Variants in ARHGAP35 observed in about 807,000 individuals in gnomAD.
The protein encoded by ARHGAP35 is rho GTPase-activating protein 35.
In ARHGAP35, 15 loss-of-function variants were observed where a neutral mutation model predicts 111.1. The observed-to-expected ratio is 0.13, with a 90% CI of 0.09 to 0.21. The LOEUF is 0.21. Ranked by LOEUF, ARHGAP35 falls within the 10% of genes least tolerant of loss-of-function variation. The pLI, the probability that ARHGAP35 is intolerant of heterozygous loss-of-function variation, is 1.00. For synonymous variants in ARHGAP35, 643 were observed against 710.3 expected (o/e 0.91, Z 1.51); for missense variants, 1,262 against 1,873.0 (o/e 0.67, Z 6.02).
intron 3 of ARHGAP35, among the ~76,000 whole-genome samples, chr19:46,970,278 T>C (rs1185925348): frequency 6.6e-6 from 1 of 152,178 alleles, no homozygotes; most frequent in Non-Finnish European, 1.5e-5. Flanking sequence ...CTTAATGCTA[T>C]GGGATATTGC....
intron 3 of ARHGAP35, among the ~76,000 whole-genome samples, chr19:46,964,515 C>T (rs1293807451): frequency 6.6e-6 from 1 of 152,202 alleles, no homozygotes; most frequent in Non-Finnish European, 1.5e-5. Context: ...ACATCAGCCT[C>T]CTAAAGTGGT....
intron 1 of ARHGAP35, among the ~76,000 whole-genome samples, chr19:46,897,466 A>G (rs1208748215): frequency 6.8e-6 from 1 of 146,818 alleles, no homozygotes; most frequent in African/African-American, 2.5e-5. Context: ...TTTTTTTACG[A>G]CCTCCAACAC....
chr19:46,877,420 G>A (rs909754878), intron 1 of ARHGAP35, among the ~76,000 whole-genome samples: 9 of 151,296 alleles, frequency 5.9e-5, no homozygotes, highest in Non-Finnish European at 7.4e-5. Flanking sequence ...AAAACTAGCC[G>A]GGCGTGGTGG....
In ARHGAP35 at chr19:46,878,403, G is replaced by A. The variant is rs2311808; in HGVS notation, c.-189+17194G>A. On this transcript the variant is annotated intron_variant, in intron 1 of 6. Transcript: ENST00000672722. ...TGGTGCAGTCTCAGCTCACTGCAAC[G>A]TCTCTCGGGTTCAAGCAATTCTTGT... Among the ~76,000 whole-genome samples the A allele has an allele frequency of 8.7e-3, 1,322 of 151,974 alleles. 12 individuals are homozygous for A. Among genetic ancestry groups the A allele is most frequent in the Non-Finnish European group, 0.014 (932 of 67,946 alleles).
At chr19:46,862,651 C>G (rs1398406285) in intron 1 of ARHGAP35, among the ~76,000 whole-genome samples, 1 of 152,162 alleles carries the variant, frequency 6.6e-6, no homozygotes, top group East Asian at 1.9e-4. Flanking sequence ...TCCTTCGGAG[C>G]TGTCCACTTG....
chr19:46,915,392 C>T (rs1171689548), intron 1 of ARHGAP35, among the ~76,000 whole-genome samples: 2 of 152,142 alleles, frequency 1.3e-5, no homozygotes, highest in African/African-American at 4.8e-5. Context: ...TTTTTGCATA[C>T]TACGTCTAGT....
intron 2 of ARHGAP35, among the ~76,000 whole-genome samples, chr19:46,929,591 C>CTTTTTTTTTTT (rs55818906): frequency 1.1e-5 from 1 of 93,054 alleles, no homozygotes; most frequent in Non-Finnish European, 2.1e-5. Flanking sequence ...ACCTGTTACT[C>CTTTTTTTTTTT]TTTTTTTTTT....
chr19:46,977,379 T>A (rs548773398), intron 3 of ARHGAP35, among the ~76,000 whole-genome samples: 2 of 152,312 alleles, frequency 1.3e-5, no homozygotes, highest in East Asian at 1.9e-4. Flanking sequence ...AGTTGGATGC[T>A]CCAGCCGCTT....
In ARHGAP35 at chr19:46,926,983, T is replaced by C. The variant is rs1260796005; in HGVS notation, c.3681+4627T>C. Among the ~76,000 whole-genome samples, 4 of 152,236 alleles carry C rather than the reference T, an allele frequency of 2.6e-5. No individual in the cohort carries two copies. The highest frequency in any genetic ancestry group is 9.6e-5 in the African/African-American group (4 of 41,458). On this transcript the variant is annotated intron_variant, in intron 2 of 6. Coordinates refer to ENST00000672722, the MANE Select transcript of ARHGAP35 (RefSeq NM_004491.5). This position sits in a 1 kb window ranked among gnomAD's most constrained non-coding sequence, Gnocchi z 4.1. The stretch of plus-strand genomic sequence containing the variant: ...CAGACAAGCTGAATGCGATGAAATA[T>C]GAGCTCTTTGTAACCTGCCTAGGAA...
Position 46,945,049 on chromosome 19 carries a change from T to C in ARHGAP35, c.3826+7641T>C, listed in dbSNP as rs1389906872. On this transcript the variant is annotated intron_variant, in intron 3 of 6. Transcript: ENST00000672722. The surrounding 1 kb of genome is among the most constrained non-coding windows in gnomAD (Gnocchi z 4.1). Reference sequence around the variant, plus strand: ...AGCCCCGGACACCCTCTGTGCTTGCTGTGCTAATAGGATATTCGACTTTCA... The same window carrying C: ...AGCCCCGGACACCCTCTGTGCTTGCCGTGCTAATAGGATATTCGACTTTCA... 2.0e-5 allele frequency among the ~76,000 whole-genome samples: 3 copies of C among 152,222 alleles called. No individual in the cohort carries two copies. In the East Asian group the frequency reaches 5.8e-4, roughly 29 times the overall value.
At chr19:46,902,995 C>G (rs767747385) in intron 1 of ARHGAP35, among the ~76,000 whole-genome samples, 2 of 152,174 alleles carry the variant, frequency 1.3e-5, no homozygotes, top group African/African-American at 4.8e-5. Flanking sequence ...GTGCCCACAC[C>G]TGTACCCTTG....
intron 1 of ARHGAP35, among the ~76,000 whole-genome samples, chr19:46,916,404 A>G (rs2056164109): frequency 7.3e-6 from 1 of 137,870 alleles, no homozygotes; most frequent in African/African-American, 2.9e-5. Context: ...TCTTAAATGC[A>G]CTTCATACTT....
chr19:46,916,409 A>G (rs951635526), intron 1 of ARHGAP35, among the ~76,000 whole-genome samples: 12 of 138,668 alleles, frequency 8.7e-5, no homozygotes, highest in Non-Finnish European at 1.6e-5. Flanking sequence ...AATGCACTTC[A>G]TACTTCAGGT....
intron 1 of ARHGAP35, among the ~76,000 whole-genome samples, chr19:46,889,255 G>A (rs1243252231): frequency 6.6e-6 from 1 of 152,154 alleles, no homozygotes; most frequent in South Asian, 2.1e-4. Flanking sequence ...CACGAGGTCA[G>A]TAGATCAAGA....
intron 3 of ARHGAP35, among the ~76,000 whole-genome samples, chr19:46,959,610 G>A (rs1822066659): frequency 2.6e-5 from 4 of 151,282 alleles, no homozygotes; most frequent in Admixed American, 2.6e-4. Context: ...ATGTTGGCCA[G>A]GCTGGTCTCA....
rs542766066 is a variant in ARHGAP35, at chr19:46,921,181, T to G, written c.2506T>G (p.Ser836Ala). Residue 836 changes from serine to alanine, a missense_variant, in exon 2 of 7, where the codon TCT (serine) becomes GCT (alanine). Physicochemically the swap from Ser to Ala is moderately conservative, Grantham distance 99. Transcript: ENST00000672722. The surrounding 1 kb of genome is among the most constrained non-coding windows in gnomAD (Gnocchi z 4.3). ...ACTGCACAAGAAGCGGATTGAACTG[T>G]CTGTTCTTTCATACCATTCCTCCTT... Reference protein sequence around the residue: ...IGLHKKRIELSVLSYHSSFSI... With the variant: ...IGLHKKRIELAVLSYHSSFSI... 1.2e-6 allele frequency: 2 copies of G among 1,614,052 alleles called. No homozygotes were observed. The highest frequency in any genetic ancestry group is 4.5e-5 in the East Asian group (2 of 44,890).
At chr19:46,906,308 C>T (rs990803192) in intron 1 of ARHGAP35, among the ~76,000 whole-genome samples, 3 of 152,000 alleles carry the variant, frequency 2.0e-5, no homozygotes, top group African/African-American at 7.3e-5. Flanking sequence ...GACCCTGTCT[C>T]ATAAAAATAA....
intron 1 of ARHGAP35, among the ~76,000 whole-genome samples, chr19:46,861,757 C>T (rs925677449): frequency 6.6e-6 from 1 of 152,100 alleles, no homozygotes; most frequent in Non-Finnish European, 1.5e-5. Flanking sequence ...ACCTTCTGTG[C>T]TATTATTCCT....
Position 46,920,290 on chromosome 19 carries a change from G to C in ARHGAP35, c.1615G>C (p.Glu539Gln). 6.2e-7 allele frequency: 1 copy of C among 1,613,990 alleles called. No individual in the cohort carries two copies. Among genetic ancestry groups the C allele is most frequent in the Non-Finnish European group, 8.5e-7 (1 of 1,179,892 alleles). ...TAAAGCATTACAAAAGCTCCAAGCAGAGCGTGATGCCCTTATTCTGAAACA... is the reference window on the plus strand; with the variant it reads ...TAAAGCATTACAAAAGCTCCAAGCACAGCGTGATGCCCTTATTCTGAAACA... ...RFKALQKLQA[E>Q]RDALILKHIH... Residue 539 changes from glutamate to glutamine, a missense_variant, in exon 2 of 7, where the codon GAG becomes CAG. By Grantham distance (29) the Glu-to-Gln change is conservative. Coordinates refer to ENST00000672722, the MANE Select transcript of ARHGAP35 (RefSeq NM_004491.5). The surrounding 1 kb of genome is among the most constrained non-coding windows in gnomAD (Gnocchi z 7.0).
Sources: gnomAD v4.1 joint callset for allele counts (sites outside exome capture counted in the v4.1 genomes callset) on GRCh38, gnomAD v4.1.1 for gene constraint, Gnocchi (gnomAD v3.1) non-coding constraint, MANE v1.5 for transcripts, NCBI Gene and HGNC (gene_info 2026-07-23, HGNC 2026-07-21) for gene names.